Variants in NKAIN2 observed in about 807,000 individuals in gnomAD.
NKAIN2 encodes sodium/potassium-transporting ATPase subunit beta-1-interacting protein 2.
Under a neutral mutation model 32.6 loss-of-function variants are expected in NKAIN2, and 14 were observed. The ratio of observed to expected loss-of-function variants is 0.43; its 90% CI spans 0.28 to 0.67. NKAIN2 has a LOEUF of 0.67. Ranked by LOEUF, NKAIN2 falls within the 30% of genes least tolerant of loss-of-function variation. The probability of loss-of-function intolerance (pLI) is 0.17; values close to 1 mark genes in which losing one functional copy is unlikely to be tolerated. For missense variants in NKAIN2, 198 were observed against 258.3 expected, an observed-to-expected ratio of 0.77 and a Z score of 1.60; for synonymous variants, 80 against 87.2, an observed-to-expected ratio of 0.92 and a Z score of 0.46.
intron 1 of NKAIN2, among the ~76,000 whole-genome samples, chr6:124,214,530 C>G (rs1791368301): frequency 6.6e-6 from 1 of 152,024 alleles, no homozygotes; most frequent in Admixed American, 6.6e-5. Flanking sequence ...GGGCAGATCA[C>G]TTGAGGTCAA....
chr6:124,087,610 G>T (rs1319639070), intron 1 of NKAIN2, among the ~76,000 whole-genome samples: 1 of 151,932 alleles, frequency 6.6e-6, no homozygotes, highest in Non-Finnish European at 1.5e-5. Context: ...TGTGTAGAGG[G>T]TGTATCTGTG....
At chr6:124,504,357 T>C (rs746291858) in intron 3 of NKAIN2, among the ~76,000 whole-genome samples, 2 of 152,206 alleles carry the variant, frequency 1.3e-5, no homozygotes, top group Non-Finnish European at 2.9e-5. Flanking sequence ...TGTTCTTCTT[T>C]TCCACACTTG....
intron 3 of NKAIN2, among the ~76,000 whole-genome samples, chr6:124,413,239 C>T (rs2114505843): frequency 6.6e-6 from 1 of 152,248 alleles, no homozygotes; most frequent in Non-Finnish European, 1.5e-5. Flanking sequence ...GTTGGAAATG[C>T]AGAAATCACC....
chr6:124,142,905 T>C (rs80283559), intron 1 of NKAIN2, among the ~76,000 whole-genome samples: 7,108 of 152,246 alleles, frequency 0.047, 257 homozygotes, highest in East Asian at 0.12. Context: ...AGCAGTTGGC[T>C]AAGATGCAGC....
intron 2 of NKAIN2, among the ~76,000 whole-genome samples, chr6:124,332,270 AAG>A (rs941906605): frequency 4.0e-5 from 6 of 151,550 alleles, no homozygotes; most frequent in Non-Finnish European, 8.8e-5. Context: ...GAGAAAGAGA[AAG>A]AGAGAGAGTG....
At chr6:124,189,630 G>C (rs1243655809) in intron 1 of NKAIN2, among the ~76,000 whole-genome samples, 1 of 152,138 alleles carries the variant, frequency 6.6e-6, no homozygotes, top group Non-Finnish European at 1.5e-5. Context: ...GAAGTGAGCC[G>C]AGATTGTGCC....
chr6:124,387,574 A>G (rs1772960351), intron 3 of NKAIN2, among the ~76,000 whole-genome samples: 1 of 152,148 alleles, frequency 6.6e-6, no homozygotes, highest in African/African-American at 2.4e-5. Flanking sequence ...ACCAAAGCAT[A>G]TGAGTAACAA....
At chr6:124,650,786 G>T (rs977460642) in intron 3 of NKAIN2, among the ~76,000 whole-genome samples, 1 of 152,062 alleles carries the variant, frequency 6.6e-6, no homozygotes, top group African/African-American at 2.4e-5. Context: ...CTTCTGGTCC[G>T]CCAGAATCTA....
intron 3 of NKAIN2, among the ~76,000 whole-genome samples, chr6:124,366,274 CA>C (rs1377014975): frequency 6.6e-6 from 1 of 151,972 alleles, no homozygotes; most frequent in East Asian, 1.9e-4. Context: ...GCTAATATCA[CA>C]AATAACTCTA....
intron 2 of NKAIN2, among the ~76,000 whole-genome samples, chr6:124,292,722 C>A (rs1795876051): frequency 6.6e-6 from 1 of 152,008 alleles, no homozygotes; most frequent in Admixed American, 6.6e-5. Context: ...GAATTGCTTA[C>A]AAGATAAGAG....
At chr6:124,279,486 G>C (rs1795196582) in intron 1 of NKAIN2, among the ~76,000 whole-genome samples, 1 of 145,782 alleles carries the variant, frequency 6.9e-6, no homozygotes, top group South Asian at 2.2e-4. Context: ...CATCCAGCCT[G>C]GACAACAAAG....
At chr6:124,374,330 A>G (rs1799892618) in intron 3 of NKAIN2, among the ~76,000 whole-genome samples, 2 of 152,240 alleles carry the variant, frequency 1.3e-5, no homozygotes, top group East Asian at 1.9e-4. Flanking sequence ...GGAAAAGTGT[A>G]TATGAATGGA....
intron 4 of NKAIN2, among the ~76,000 whole-genome samples, chr6:124,723,008 T>C (rs1027498880): frequency 5.3e-5 from 8 of 152,306 alleles, no homozygotes; most frequent in Admixed American, 4.6e-4. Context: ...CTCTAGAGAT[T>C]GGGCCTCACA....
chr6:123,835,140 G>T (rs569561116), intron 1 of NKAIN2, among the ~76,000 whole-genome samples: 26 of 152,254 alleles, frequency 1.7e-4, no homozygotes, highest in African/African-American at 6.0e-4. Context: ...AAAAAATAAT[G>T]TGTTTACTTA....
intron 1 of NKAIN2, among the ~76,000 whole-genome samples, chr6:123,831,121 C>G (rs1481575466): frequency 2.6e-5 from 4 of 152,068 alleles, no homozygotes; most frequent in African/African-American, 4.8e-5. Context: ...ATGCTTGAAA[C>G]TTTCTTTTTT....
chr6:124,157,518 T>G (rs1788053855), intron 1 of NKAIN2, among the ~76,000 whole-genome samples: 1 of 152,222 alleles, frequency 6.6e-6, no homozygotes, highest in African/African-American at 2.4e-5. Context: ...TGGGAGCCAT[T>G]GTTGAAATTA....
At chr6:123,900,901 A>G (rs1011910977) in intron 1 of NKAIN2, among the ~76,000 whole-genome samples, 3 of 152,096 alleles carry the variant, frequency 2.0e-5, no homozygotes, top group Admixed American at 6.5e-5. Context: ...CTTAAGTAAA[A>G]GATGGGATAT....
At chr6:124,192,835 C>T (rs1321049693) in intron 1 of NKAIN2, among the ~76,000 whole-genome samples, 3 of 150,124 alleles carry the variant, frequency 2.0e-5, no homozygotes, top group Non-Finnish European at 4.4e-5. Flanking sequence ...CTGCAAGCTC[C>T]GCCTCCCGGG....
intron 1 of NKAIN2, among the ~76,000 whole-genome samples, chr6:124,207,637 G>A (rs1244832191): frequency 6.6e-6 from 1 of 151,598 alleles, no homozygotes; most frequent in Non-Finnish European, 1.5e-5. Flanking sequence ...AAATGTTTTA[G>A]GAAAGAATGA....
Sources: allele counts gnomAD v4.1 joint callset (sites outside exome capture counted in the v4.1 genomes callset), GRCh38; gene constraint gnomAD v4.1.1; transcripts MANE v1.5; gene names NCBI Gene and HGNC (gene_info 2026-07-23, HGNC 2026-07-21).